Variants in CEP128 observed in about 807,000 individuals in gnomAD.
CEP128 encodes centrosomal protein 128.
Under a neutral mutation model 156.7 loss-of-function variants are expected in CEP128, and 132 were observed. The observed-to-expected ratio is 0.84, with a 90% confidence interval of 0.73 to 0.97. The LOEUF is 0.97. CEP128 is among the 50% of genes least tolerant of loss of function. The pLI is 0.00. For synonymous variants in CEP128, 469 were observed against 448.9 expected, an observed-to-expected ratio of 1.04 and a Z score of -0.57; for missense variants, 1,252 against 1,281.9, an observed-to-expected ratio of 0.98 and a Z score of 0.36.
intron 19 of CEP128, among the ~76,000 whole-genome samples, chr14:80,688,710 C>T (rs1896608330): frequency 6.6e-6 from 1 of 152,132 alleles, no homozygotes; most frequent in Non-Finnish European, 1.5e-5. Context: ...GAAATAATAA[C>T]AATGTTACCA....
chr14:80,903,045 T>C (rs894095609), intron 6 of CEP128, among the ~76,000 whole-genome samples: 1 of 152,080 alleles, frequency 6.6e-6, no homozygotes, highest in Admixed American at 6.5e-5. Context: ...AGACCCCATA[T>C]AGCCAAAACA....
intron 21 of CEP128, among the ~76,000 whole-genome samples, chr14:80,559,053 G>C (rs1165809863): frequency 6.6e-6 from 1 of 152,140 alleles, no homozygotes; most frequent in Non-Finnish European, 1.5e-5. Flanking sequence ...GAAATACTGA[G>C]AGATGTGACC....
intron 4 of CEP128, among the ~76,000 whole-genome samples, chr14:80,906,535 A>G (rs1291620307): frequency 6.6e-6 from 1 of 152,168 alleles, no homozygotes; most frequent in Admixed American, 6.5e-5. Flanking sequence ...TGCTACTGAA[A>G]CAATGTACAC....
At chr14:80,747,635 T>C (rs1470216016) in intron 18 of CEP128, among the ~76,000 whole-genome samples, 2 of 152,138 alleles carry the variant, frequency 1.3e-5, no homozygotes, top group Non-Finnish European at 2.9e-5. Context: ...AATGAAACCC[T>C]GTCTCTACTA....
At chr14:80,760,465 CAT>C (rs1899903822) in intron 17 of CEP128, among the ~76,000 whole-genome samples, 1 of 151,778 alleles carries the variant, frequency 6.6e-6, no homozygotes, top group Non-Finnish European at 1.5e-5. Flanking sequence ...AAGAGGGGAA[CAT>C]AGTAGTATGA....
intron 21 of CEP128, among the ~76,000 whole-genome samples, chr14:80,543,446 G>A (rs781779758): frequency 6.6e-6 from 1 of 152,172 alleles, no homozygotes; most frequent in Non-Finnish European, 1.5e-5. Context: ...TAATGTTAAA[G>A]GTTAAGTATG....
At chr14:80,834,332 A>T (rs1332173384) in intron 12 of CEP128, among the ~76,000 whole-genome samples, 1 of 152,194 alleles carries the variant, frequency 6.6e-6, no homozygotes, top group African/African-American at 2.4e-5. Context: ...AGGTAACACT[A>T]AAATAAGTAA....
chr14:80,787,701 T>A (rs1352524537), intron 14 of CEP128, among the ~76,000 whole-genome samples: 1 of 152,116 alleles, frequency 6.6e-6, no homozygotes, highest in African/African-American at 2.4e-5. Context: ...TAGTGATATA[T>A]GTTTGAAGCA....
chr14:80,623,856 C>T lies in CEP128; in HGVS notation c.2807-43433G>A, dbSNP rs192917579. 1.5e-4 allele frequency among the ~76,000 whole-genome samples: 23 copies of T among 152,198 alleles called. No homozygotes were observed. In the East Asian group the frequency reaches 4.2e-3, roughly 28 times the overall value. ...AGAGTGATATTTTGATACATGTATG[C>T]AATATGTAATGAGCAAATCAGGGTA... On this transcript the variant is annotated intron_variant, in intron 19 of 24. Coordinates refer to ENST00000555265, the MANE Select transcript of CEP128 (RefSeq NM_152446.5).
chr14:80,902,869 C>G (rs1481426847), intron 6 of CEP128, among the ~76,000 whole-genome samples: 1 of 151,986 alleles, frequency 6.6e-6, no homozygotes, highest in African/African-American at 2.4e-5. Flanking sequence ...ATGTGCTGAA[C>G]AAGAAAGGAA....
chr14:80,776,544 T>C (rs1900803759), intron 16 of CEP128, among the ~76,000 whole-genome samples: 2 of 147,948 alleles, frequency 1.4e-5, no homozygotes, highest in Admixed American at 1.4e-4. Context: ...ATATTAATTA[T>C]ATATATTATT....
At chr14:80,704,645 G>A (rs77112445) in intron 19 of CEP128, among the ~76,000 whole-genome samples, 1,980 of 146,002 alleles carry the variant, frequency 0.014, 22 homozygotes, top group Non-Finnish European at 0.019. Context: ...ACATTTTTAC[G>A]CTTGAAACAT....
In CEP128 at chr14:80,895,752, G is replaced by A; in HGVS notation, c.611C>T (p.Thr204Ile). Reference protein sequence around the residue: ...AETKRALEELTEKLNEAQKQE... With the variant: ...AETKRALEELIEKLNEAQKQE... ...TTTCTGGGCTTCATTAAGTTTTTCA[G>A]TCAATTCTTCCAAAGCCCTTTTTGT... Residue 204 changes from threonine to isoleucine, a missense_variant, in exon 8 of 25, where the codon ACT (threonine) becomes ATT (isoleucine). Thr to Ile is a moderately conservative substitution (Grantham distance 89). Coordinates refer to ENST00000555265, the MANE Select transcript of CEP128 (RefSeq NM_152446.5). The A allele has an allele frequency of 6.4e-7, 1 of 1,556,652 alleles. No individual in the cohort carries two copies. The highest frequency in any genetic ancestry group is 8.7e-7 in the Non-Finnish European group (1 of 1,151,934).
intron 19 of CEP128, among the ~76,000 whole-genome samples, chr14:80,725,864 A>G (rs1266868296): frequency 6.6e-6 from 1 of 152,154 alleles, no homozygotes; most frequent in East Asian, 1.9e-4. Flanking sequence ...AGAAATCACA[A>G]ATTGAACAAA....
chr14:80,655,339 C>A (rs1189431571), intron 19 of CEP128, among the ~76,000 whole-genome samples: 1 of 152,190 alleles, frequency 6.6e-6, no homozygotes, highest in Admixed American at 6.5e-5. Context: ...TTGTCACACC[C>A]TATGTACATC....
At chr14:80,802,420 A>G (rs1263050541) in intron 13 of CEP128, among the ~76,000 whole-genome samples, 3 of 152,094 alleles carry the variant, frequency 2.0e-5, no homozygotes. Flanking sequence ...CATCCTCCTC[A>G]GCAAACTAAC....
chr14:80,885,222 G>C (rs1358141920), intron 8 of CEP128, among the ~76,000 whole-genome samples: 1 of 152,248 alleles, frequency 6.6e-6, no homozygotes, highest in Admixed American at 6.5e-5. Flanking sequence ...AAACGTTCCT[G>C]CCTGCTGGCT....
At chr14:80,512,546 T>C (rs1369946989) in intron 23 of CEP128, among the ~76,000 whole-genome samples, 1 of 151,976 alleles carries the variant, frequency 6.6e-6, no homozygotes, top group Non-Finnish European at 1.5e-5. Context: ...ATTCAGTCAT[T>C]CTGTGTCTTC....
intron 20 of CEP128, among the ~76,000 whole-genome samples, chr14:80,576,706 C>T (rs1891376447): frequency 6.6e-6 from 1 of 151,630 alleles, no homozygotes; most frequent in Non-Finnish European, 1.5e-5. Context: ...GATGTCTCTC[C>T]CCAAAACATT....
Sources: gnomAD v4.1 joint callset for allele counts (sites outside exome capture counted in the v4.1 genomes callset) on GRCh38, gnomAD v4.1.1 for gene constraint, MANE v1.5 for transcripts, NCBI Gene and HGNC (gene_info 2026-07-23, HGNC 2026-07-21) for gene names.